Variants in OR1J2 observed in about 807,000 individuals in gnomAD.
The protein encoded by OR1J2 is olfactory receptor 1J2.
For missense variants in OR1J2, 304 were observed against 246.1 expected, an observed-to-expected ratio of 1.24 and a Z score of -1.57; for synonymous variants, 142 against 99.7, an observed-to-expected ratio of 1.42 and a Z score of -2.52.
downstream of OR1J2, among the ~76,000 whole-genome samples, chr9:122,513,538 T>TA (rs1439850839): frequency 6.6e-6 from 1 of 151,808 alleles, no homozygotes; most frequent in Non-Finnish European, 1.5e-5. Context: ...TTTTTTTTTT[T>TA]ATTTTACTTT....
At chr9:122,456,262 G>A in the OR1J2 span, among the ~76,000 whole-genome samples, 5 of 152,098 alleles carry the variant, frequency 3.3e-5, no homozygotes, top group East Asian at 1.9e-4. Flanking sequence ...CTATGTGCGC[G>A]CTCAGGAATA....
the OR1J2 span, among the ~76,000 whole-genome samples, chr9:122,537,116 C>T: frequency 2.6e-5 from 4 of 152,184 alleles, no homozygotes; most frequent in East Asian, 5.8e-4. Flanking sequence ...TCCCCAAATG[C>T]GCAATTTCTG....
chr9:122,553,260 C>T, the OR1J2 span: 5 of 1,613,644 alleles, frequency 3.1e-6, no homozygotes, highest in East Asian at 1.1e-4. Flanking sequence ...AGACTTCCTC[C>T]TTCTAGGACT....
At chr9:122,559,500 G>T in the OR1J2 span, among the ~76,000 whole-genome samples, 1 of 151,996 alleles carries the variant, frequency 6.6e-6, no homozygotes, top group Non-Finnish European at 1.5e-5. Flanking sequence ...CTTTAGCTGT[G>T]TCCCAGAGAT....
the OR1J2 span, among the ~76,000 whole-genome samples, chr9:122,452,854 C>A: frequency 1.3e-5 from 2 of 150,784 alleles, no homozygotes; most frequent in African/African-American, 5.0e-5. Flanking sequence ...CATGGTGAAA[C>A]CCCATCTCTA....
At chr9:122,553,351 T>G in the OR1J2 span, 1 of 1,614,046 alleles carries the variant, frequency 6.2e-7, no homozygotes, top group South Asian at 1.1e-5. Flanking sequence ...GGGAACCTGC[T>G]CATTATCCTG....
the OR1J2 span, among the ~76,000 whole-genome samples, chr9:122,566,360 G>A: frequency 6.2e-4 from 94 of 152,140 alleles, no homozygotes; most frequent in Non-Finnish European, 1.8e-4. Flanking sequence ...GTATAAAGAT[G>A]AGGAAATATT....
chr9:122,492,793 CAG>C, the OR1J2 span, among the ~76,000 whole-genome samples: 3 of 152,156 alleles, frequency 2.0e-5, no homozygotes, highest in Non-Finnish European at 2.9e-5. Flanking sequence ...TTCCAGTTCT[CAG>C]GGGGAATGCT....
the OR1J2 span, among the ~76,000 whole-genome samples, chr9:122,559,612 A>G: frequency 7.9e-5 from 12 of 152,146 alleles, no homozygotes; most frequent in Admixed American, 3.9e-4. Context: ...TAGGTTGTTC[A>G]GTTTCCATGT....
chr9:122,551,139 G>T, the OR1J2 span, among the ~76,000 whole-genome samples: 1 of 152,070 alleles, frequency 6.6e-6, no homozygotes, highest in African/African-American at 2.4e-5. Context: ...ACCAAATCAA[G>T]ACCTCAATCC....
chr9:122,457,571 A>G, the OR1J2 span, among the ~76,000 whole-genome samples: 75 of 152,092 alleles, frequency 4.9e-4, no homozygotes, highest in African/African-American at 1.8e-3. Flanking sequence ...ACTATGGCCC[A>G]TTCATGGGAA....
At chr9:122,525,912 T>C in the OR1J2 span, among the ~76,000 whole-genome samples, 1 of 152,138 alleles carries the variant, frequency 6.6e-6, no homozygotes, top group Non-Finnish European at 1.5e-5. Context: ...GATCGACAAA[T>C]TAATAACCTA....
chr9:122,560,282 A>C, the OR1J2 span, among the ~76,000 whole-genome samples: 1 of 151,920 alleles, frequency 6.6e-6, no homozygotes, highest in Non-Finnish European at 1.5e-5. Flanking sequence ...CTCTTTATCC[A>C]GTTTGCCAGT....
At chr9:122,484,221 G>A in the OR1J2 span, among the ~76,000 whole-genome samples, 1 of 152,108 alleles carries the variant, frequency 6.6e-6, no homozygotes, top group Non-Finnish European at 1.5e-5. Context: ...GAGTGCGGTG[G>A]TGCGATCTCG....
the OR1J2 span, chr9:122,519,025 T>C: frequency 2.9e-6 from 2 of 701,430 alleles, no homozygotes; most frequent in Non-Finnish European, 4.9e-6. Context: ...TAGACAGACA[T>C]TGGCATATTC....
At chr9:122,490,948 G>A in the OR1J2 span, among the ~76,000 whole-genome samples, 3 of 152,186 alleles carry the variant, frequency 2.0e-5, no homozygotes, top group East Asian at 3.8e-4. Flanking sequence ...CAGGCATGGG[G>A]TAGTGGAATG....
chr9:122,527,140 G>A, the OR1J2 span: 5 of 1,614,208 alleles, frequency 3.1e-6, no homozygotes, highest in South Asian at 4.4e-5. Flanking sequence ...GTGTGGAGGT[G>A]CAGGTCAGAG....
the OR1J2 span, among the ~76,000 whole-genome samples, chr9:122,489,363 A>G: frequency 6.6e-6 from 1 of 152,074 alleles, no homozygotes; most frequent in South Asian, 2.1e-4. Flanking sequence ...TTCCAGAGTC[A>G]GATACAAAAC....
the OR1J2 span, among the ~76,000 whole-genome samples, chr9:122,482,412 A>C: frequency 6.6e-6 from 1 of 152,202 alleles, no homozygotes; most frequent in Admixed American, 6.5e-5. Context: ...AGACTTATAC[A>C]TGGTTGGTGG....
Sources: gnomAD v4.1 joint callset for allele counts (sites outside exome capture counted in the v4.1 genomes callset) on GRCh38, gnomAD v4.1.1 for gene constraint, MANE v1.5 for transcripts, NCBI Gene and HGNC (gene_info 2026-07-23, HGNC 2026-07-21) for gene names.